PLCL2: variants seen among roughly 807,000 people sequenced by gnomAD.
The protein encoded by PLCL2 is phospholipase C like 2.
In PLCL2, 4 loss-of-function variants were observed where a neutral mutation model predicts 79.6. That is an observed-to-expected ratio of 0.05 (90% CI 0.02 to 0.11). The LOEUF is 0.11. PLCL2 is among the 10% of genes least tolerant of loss of function. The pLI is 1.00. For synonymous variants in PLCL2, 484 were observed against 457.7 expected, an observed-to-expected ratio of 1.06 and a Z score of -0.73; for missense variants, 895 against 1,291.0, an observed-to-expected ratio of 0.69 and a Z score of 4.70.
intron 1 of PLCL2, among the ~76,000 whole-genome samples, chr3:16,898,247 A>G (rs1471410906): frequency 1.3e-5 from 2 of 152,146 alleles, no homozygotes; most frequent in Non-Finnish European, 2.9e-5. Flanking sequence ...CGTATTCTAA[A>G]TGGGAGGTGT....
chr3:17,026,866 C>T (rs146318726), intron 3 of PLCL2, among the ~76,000 whole-genome samples: 314 of 149,862 alleles, frequency 2.1e-3, no homozygotes, highest in African/African-American at 7.4e-3. Context: ...GACCCTGTCT[C>T]AAAAAATAAA....
Position 17,009,985 on chromosome 3 carries a change from T to G in PLCL2, c.639T>G (p.Ser213=), listed in dbSNP as rs374754114. The G allele has an allele frequency of 6.8e-5, 109 of 1,614,106 alleles. No homozygotes were observed. In the Middle Eastern group the frequency reaches 8.3e-4, roughly 12 times the overall value. ...GCAATGGCATTTCTGACCAGATATCTGAAGATTGTGCGTTTTCCGTCATAT... is the reference window on the plus strand; with the variant it reads ...GCAATGGCATTTCTGACCAGATATCGGAAGATTGTGCGTTTTCCGTCATAT... The part of the protein sequence containing the change: ...FRSNGISDQI[S]EDCAFSVIYG... Residue 213 remains serine (S), a synonymous_variant, in exon 2 of 6, where the codon TCT becomes TCG. Transcript: ENST00000615277. The surrounding 1 kb of genome is among the most constrained non-coding windows in gnomAD (Gnocchi z 4.0).
intron 4 of PLCL2, among the ~76,000 whole-genome samples, chr3:17,064,570 A>T (rs529601785): frequency 1.3e-5 from 2 of 152,258 alleles, no homozygotes; most frequent in Admixed American, 1.3e-4. Flanking sequence ...CTCGCATGTC[A>T]CAGGGAGACA....
At chr3:17,030,533 A>G (rs555843138) in intron 3 of PLCL2, among the ~76,000 whole-genome samples, 1 of 152,310 alleles carries the variant, frequency 6.6e-6, no homozygotes, top group African/African-American at 2.4e-5. Context: ...TGAAAAGCAA[A>G]AGGTAAGTTC....
chr3:16,942,800 A>G (rs1004980121), intron 1 of PLCL2, among the ~76,000 whole-genome samples: 1 of 152,236 alleles, frequency 6.6e-6, no homozygotes, highest in Non-Finnish European at 1.5e-5. Context: ...TAAAAGAGAA[A>G]TTAGTTATCA....
chr3:16,921,389 T>A (rs1697121739), intron 1 of PLCL2, among the ~76,000 whole-genome samples: 2 of 152,216 alleles, frequency 1.3e-5, no homozygotes, highest in Non-Finnish European at 2.9e-5. Flanking sequence ...ACTTACTTGC[T>A]CCAGACACTT....
intron 3 of PLCL2, among the ~76,000 whole-genome samples, chr3:17,036,067 T>G (rs1389011422): frequency 6.6e-6 from 1 of 152,196 alleles, no homozygotes; most frequent in Non-Finnish European, 1.5e-5. Context: ...GTTTGTTATT[T>G]AGAAAGTGTT....
At chr3:16,939,583 T>A (rs1309312777) in intron 1 of PLCL2, among the ~76,000 whole-genome samples, 1 of 152,226 alleles carries the variant, frequency 6.6e-6, no homozygotes, top group East Asian at 1.9e-4. Context: ...ATCAGATATG[T>A]GTGTGCAGTG....
chr3:16,889,698 T>TAC (rs1696303301), intron 1 of PLCL2, among the ~76,000 whole-genome samples: 1 of 152,218 alleles, frequency 6.6e-6, no homozygotes, highest in Non-Finnish European at 1.5e-5. Context: ...ACATCTATTA[T>TAC]ACACATTTAA....
At chr3:16,889,847 A>G (rs1290472521) in intron 1 of PLCL2, among the ~76,000 whole-genome samples, 2 of 152,204 alleles carry the variant, frequency 1.3e-5, no homozygotes. Flanking sequence ...GATCTTAAAA[A>G]TAATATCTGC....
chr3:16,924,037 G>A (rs1021524960), intron 1 of PLCL2, among the ~76,000 whole-genome samples: 2 of 152,054 alleles, frequency 1.3e-5, no homozygotes, highest in Non-Finnish European at 2.9e-5. Context: ...CTTTGTGCAC[G>A]ATTCCCTTTA....
At chr3:16,906,892 A>G (rs1248454769) in intron 1 of PLCL2, among the ~76,000 whole-genome samples, 1 of 152,236 alleles carries the variant, frequency 6.6e-6, no homozygotes, top group Non-Finnish European at 1.5e-5. Context: ...CACCCAGTCT[A>G]AAACACAGCC....
At chr3:17,075,655 TC>T (rs2065102788) in intron 5 of PLCL2, among the ~76,000 whole-genome samples, 1 of 151,946 alleles carries the variant, frequency 6.6e-6, no homozygotes, top group South Asian at 2.1e-4. Flanking sequence ...GTCACCCTGC[TC>T]CCCCAAATTG....
intron 3 of PLCL2, among the ~76,000 whole-genome samples, chr3:17,032,302 G>A (rs555292872): frequency 4.1e-4 from 62 of 152,202 alleles, no homozygotes; most frequent in African/African-American, 1.5e-3. Context: ...TCTAGAAATA[G>A]TAGTGAATGC....
At chr3:16,996,927 A>G (rs551574778) in intron 1 of PLCL2, among the ~76,000 whole-genome samples, 16 of 152,296 alleles carry the variant, frequency 1.1e-4, no homozygotes, top group African/African-American at 2.4e-4. Flanking sequence ...TCTTCATACT[A>G]TTTTACATCC....
At chr3:17,079,163 A>G (rs1421843592) in intron 5 of PLCL2, among the ~76,000 whole-genome samples, 1 of 152,148 alleles carries the variant, frequency 6.6e-6, no homozygotes, top group Non-Finnish European at 1.5e-5. Flanking sequence ...TCTCACGCCC[A>G]TGGCCCAGCC....
At chr3:16,949,248 T>TA (rs2063628696) in intron 1 of PLCL2, among the ~76,000 whole-genome samples, 1 of 152,172 alleles carries the variant, frequency 6.6e-6, no homozygotes. Context: ...TCTACTTCGA[T>TA]ACTGCCAGGT....
chr3:16,928,295 C>G (rs1365841973), intron 1 of PLCL2, among the ~76,000 whole-genome samples: 1 of 152,158 alleles, frequency 6.6e-6, no homozygotes, highest in Non-Finnish European at 1.5e-5. Flanking sequence ...GAGCTGAGTC[C>G]ATGTTGTACA....
chr3:16,892,692 C>T (rs533345234), intron 1 of PLCL2, among the ~76,000 whole-genome samples: 1 of 152,182 alleles, frequency 6.6e-6, no homozygotes, highest in South Asian at 2.1e-4. Context: ...GAAATTCTGC[C>T]CTTTGTTGCA....
Sources: gnomAD v4.1 joint callset for allele counts (sites outside exome capture counted in the v4.1 genomes callset) on GRCh38, gnomAD v4.1.1 for gene constraint, Gnocchi (gnomAD v3.1) non-coding constraint, MANE v1.5 for transcripts, NCBI Gene and HGNC (gene_info 2026-07-23, HGNC 2026-07-21) for gene names.